Variants in ZNF800 observed in about 807,000 individuals in gnomAD.
ZNF800 encodes zinc finger protein 800.
ZNF800 carries 13 observed loss-of-function variants against 59.5 expected under a neutral mutation model. The ratio of observed to expected loss-of-function variants is 0.22; its 90% CI spans 0.14 to 0.35. The LOEUF (loss-of-function observed/expected upper bound fraction) is 0.35, where lower values mean the gene tolerates loss of function less well. Ranked by LOEUF, ZNF800 falls within the 10% of genes least tolerant of loss-of-function variation. The pLI, the probability that ZNF800 is intolerant of heterozygous loss-of-function variation, is 1.00. For missense variants in ZNF800, 621 were observed against 783.7 expected, an observed-to-expected ratio of 0.79 and a Z score of 2.48; for synonymous variants, 266 against 265.7, an observed-to-expected ratio of 1.00 and a Z score of -0.01.
At chr7:127,348,730 G>A (rs1419161464) in intron 1 of ZNF800, among the ~76,000 whole-genome samples, 6 of 152,116 alleles carry the variant, frequency 3.9e-5, no homozygotes. Context: ...TGCAGGTAAC[G>A]CTTTTTTAAC....
intron 4 of ZNF800, among the ~76,000 whole-genome samples, chr7:127,375,953 G>A (rs1184527578): frequency 2.6e-5 from 4 of 151,836 alleles, no homozygotes; most frequent in Admixed American, 6.6e-5. Context: ...TGAGTATTGC[G>A]AAGACAAGTA....
intron 3 of ZNF800, among the ~76,000 whole-genome samples, chr7:127,380,310 A>G (rs369017619): frequency 6.6e-6 from 1 of 152,194 alleles, no homozygotes; most frequent in Non-Finnish European, 1.5e-5. Flanking sequence ...TGCATGACTG[A>G]TATTTGCTAA....
At chr7:127,379,889 A>G (rs1483734464) in intron 3 of ZNF800, among the ~76,000 whole-genome samples, 2 of 118,134 alleles carry the variant, frequency 1.7e-5, no homozygotes, top group South Asian at 3.1e-4. Flanking sequence ...AGAGAGAGAG[A>G]GAGGGAGAGA....
At chr7:127,349,309 A>G (rs1800129113) in intron 1 of ZNF800, among the ~76,000 whole-genome samples, 1 of 152,202 alleles carries the variant, frequency 6.6e-6, no homozygotes, top group African/African-American at 2.4e-5. Context: ...TTAATTTAAA[A>G]TTTTAAGTTA....
chr7:127,371,682 T>C lies in ZNF800; in HGVS notation c.*132A>G, dbSNP rs1195107187. The C allele has an allele frequency of 1.8e-6, 1 of 568,252 alleles. No individual in the cohort carries two copies. 35.2% of individuals were successfully genotyped at this position (568,252 alleles called of 1,614,324 possible). On this transcript the variant is annotated 3_prime_UTR_variant, in exon 6 of 6. Coordinates refer to ENST00000265827, the MANE Select transcript of ZNF800 (RefSeq NM_176814.5). ...TTTAGTCAGAAAACAGCAGTTATAG[T>C]TGAATATTTAGAAAAATGTTTTTCT...
intron 3 of ZNF800, among the ~76,000 whole-genome samples, chr7:127,381,067 T>C (rs1485599493): frequency 6.6e-6 from 1 of 152,228 alleles, no homozygotes; most frequent in African/African-American, 2.4e-5. Flanking sequence ...TACATTAGGT[T>C]GGATGGCAGT....
intron 1 of ZNF800, chr7:127,351,328 C>A (rs1280845218): frequency 6.6e-6 from 1 of 152,262 alleles, no homozygotes. Context: ...TTTCATTAAG[C>A]TTTCCCTGAC....
At chr7:127,352,527 C>G (rs955202848) in intron 1 of ZNF800, among the ~76,000 whole-genome samples, 2 of 152,168 alleles carry the variant, frequency 1.3e-5, no homozygotes, top group Admixed American at 1.3e-4. Context: ...TGTTGCACTA[C>G]CAGAGCTTAC....
chr7:127,378,542 G>A (rs9791825), intron 3 of ZNF800, among the ~76,000 whole-genome samples: 96,898 of 151,320 alleles, frequency 0.64, 31,386 homozygotes, highest in East Asian at 0.86. Context: ...CCACCTATTA[G>A]GCTCTGGGAC....
chr7:127,377,438 A>G lies in ZNF800; in HGVS notation c.158-109T>C. 1.2e-6 allele frequency: 1 copy of G among 855,468 alleles called. No homozygotes were observed. Among genetic ancestry groups the G allele is most frequent in the Non-Finnish European group, 1.7e-6 (1 of 576,612 alleles). 53.0% of individuals were successfully genotyped at this position (855,468 alleles called of 1,614,324 possible). On this transcript the variant is annotated intron_variant, in intron 3 of 5. Coordinates refer to ENST00000265827, the MANE Select transcript of ZNF800 (RefSeq NM_176814.5). This position sits in a 1 kb window ranked among gnomAD's most constrained non-coding sequence, Gnocchi z 4.7. ...CCAAAAGTGCAGTTACTCTTTGAAA[A>G]CAAAATATAGGCATTGCCAATTTCC...
chr7:127,383,454 C>T (rs1801031673), intron 3 of ZNF800, among the ~76,000 whole-genome samples: 1 of 152,138 alleles, frequency 6.6e-6, no homozygotes, highest in African/African-American at 2.4e-5. Flanking sequence ...TCTTTAAATG[C>T]AACGTGTGTG....
At chr7:127,365,515 A>G (rs1800486120), downstream of ZNF800, among the ~76,000 whole-genome samples, 1 of 152,124 alleles carries the variant, frequency 6.6e-6, no homozygotes, top group Non-Finnish European at 1.5e-5. Flanking sequence ...TGTAATCTCA[A>G]AATACATTCC....
At chr7:127,355,806 A>G (rs1183870331) in intron 1 of ZNF800, among the ~76,000 whole-genome samples, 1 of 151,984 alleles carries the variant, frequency 6.6e-6, no homozygotes, top group Non-Finnish European at 1.5e-5. Context: ...CTAGTAATAT[A>G]TCAAAACTGG....
intron 1 of ZNF800, among the ~76,000 whole-genome samples, chr7:127,353,860 C>A (rs1800218723): frequency 6.7e-6 from 1 of 149,554 alleles, no homozygotes; most frequent in African/African-American, 2.5e-5. Flanking sequence ...AAAAAAAACC[C>A]AGAATGATCA....
chr7:127,385,949 A>C, intron 3 of ZNF800, 111 bp downstream of exon 3: 1 of 671,450 alleles, frequency 1.5e-6, no homozygotes, highest in Non-Finnish European at 2.4e-6. Context: ...TATTCTATAA[A>C]GAAAGCCAAC....
rs1171333876 is a variant in ZNF800, at chr7:127,370,755, G to C, written c.*1059C>G. The C allele has an allele frequency of 1.3e-5, 2 of 152,366 alleles. No homozygotes were observed. Among genetic ancestry groups the C allele is most frequent in the Non-Finnish European group, 2.9e-5 (2 of 67,930 alleles). 9.4% of individuals were successfully genotyped at this position (152,366 alleles called of 1,614,324 possible). ...AAAAACCTGCCCAAAATTTCATAAA[G>C]ATAGATGTACTTCTGTTTTTCCTAA... is the stretch of plus-strand genomic sequence containing the variant. On this transcript the variant is annotated 3_prime_UTR_variant, in exon 6 of 6. Transcript: ENST00000265827.
Position 127,385,967 on chromosome 7 carries a change from T to C in ZNF800, c.157+93A>G. On this transcript the variant is annotated intron_variant, in intron 3 of 5. Transcript: ENST00000265827. ...TCTATAAAGAAAGCCAACATATACA[T>C]TTTAATGTTTTTTAAAAATTATTTC... is the stretch of plus-strand genomic sequence containing the variant. 2.5e-6 allele frequency: 2 copies of C among 798,516 alleles called. 1 individual carries two copies. The highest frequency in any genetic ancestry group is 5.6e-5 in the East Asian group (2 of 35,620). The allele number at this position is 798,516 out of a possible 1,614,324, so 49.5% of individuals were successfully genotyped here.
At chr7:127,387,917 A>AACACAC (rs141731563) in intron 2 of ZNF800, among the ~76,000 whole-genome samples, 4,062 of 147,796 alleles carry the variant, frequency 0.027, 176 homozygotes, top group African/African-American at 0.084. Flanking sequence ...ATTAATTAAG[A>AACACAC]ACACACACAC....
Position 127,373,677 on chromosome 7 carries a change from T to A in ZNF800, c.1659A>T (p.Thr553=). 1.2e-6 allele frequency: 2 copies of A among 1,614,212 alleles called. No homozygotes were observed. Among genetic ancestry groups the A allele is most frequent in the Non-Finnish European group, 1.7e-6 (2 of 1,180,036 alleles). The part of the protein sequence containing the change: ...KKSSRYLGKI[T]ASLEIRAIKK... ...TTATAGCTCTGATCTCTAAACTGGC[T>A]GTTATTTTCCCAAGATAACGAGATG... Residue 553 remains threonine (T), a synonymous_variant, in exon 5 of 6, where the codon ACA becomes ACT. Transcript: ENST00000265827.
Sources: allele counts gnomAD v4.1 joint callset (sites outside exome capture counted in the v4.1 genomes callset), GRCh38; gene constraint gnomAD v4.1.1; non-coding constraint Gnocchi (gnomAD v3.1); transcripts MANE v1.5; gene names NCBI Gene and HGNC (gene_info 2026-07-23, HGNC 2026-07-21).